AP2A2: variants seen among roughly 807,000 people sequenced by gnomAD.
AP2A2 encodes adaptor related protein complex 2 subunit alpha 2.
In AP2A2, 32 loss-of-function variants were observed where a neutral mutation model predicts 104.2. The ratio of observed to expected loss-of-function variants is 0.31; its 90% CI spans 0.23 to 0.41. AP2A2 has a LOEUF of 0.41. Among genes scored for constraint, AP2A2 ranks in the 10% least tolerant of loss-of-function variants. The pLI is 1.00. For missense variants in AP2A2, 912 were observed against 1,261.0 expected (o/e 0.72, Z 4.19); for synonymous variants, 539 against 533.3 (o/e 1.01, Z -0.15).
At chr11:929,970 C>T (rs1853236032) in intron 1 of AP2A2, among the ~76,000 whole-genome samples, 1 of 148,502 alleles carries the variant, frequency 6.7e-6, no homozygotes, top group Non-Finnish European at 1.5e-5. Flanking sequence ...AAAATACAAA[C>T]ATTAGCTGGG....
At chr11:948,993 A>C (rs1853945028) in intron 1 of AP2A2, among the ~76,000 whole-genome samples, 1 of 149,400 alleles carries the variant, frequency 6.7e-6, no homozygotes, top group Non-Finnish European at 1.5e-5. Context: ...CACTTAAAGA[A>C]TTAATACCAG....
rs1239437678 is a variant in AP2A2 at position 992,321 on chromosome 11, A to G, written c.1270-182A>G. 1.1e-5 allele frequency: 7 copies of G among 663,738 alleles called. No homozygotes were observed. The highest frequency in any genetic ancestry group is 1.6e-5 in the Non-Finnish European group (6 of 381,242). The allele number at this position is 663,738 out of a possible 1,614,324, so 41.1% of individuals were successfully genotyped here. On this transcript the variant is annotated intron_variant, in intron 10 of 21. Coordinates refer to ENST00000448903, the MANE Select transcript of AP2A2 (RefSeq NM_012305.4). The surrounding 1 kb of genome is among the most constrained non-coding windows in gnomAD (Gnocchi z 6.4). ...TGGCTTTCTTTGCTTAAGTCAGGGC[A>G]TCTTAAACTTTCTGGGCTCGTGGGC...
In AP2A2 at chr11:1,009,121, C is replaced by T. The variant is rs1030123256; in HGVS notation, c.2442C>T (p.Asn814=). 23 of 1,613,038 alleles carry T rather than the reference C, an allele frequency of 1.4e-5. No individual in the cohort carries two copies. The highest frequency in any genetic ancestry group is 6.7e-5 in the African/African-American group (5 of 74,936). The change falls in exon 19 of 22, where the codon AAC becomes AAT. Residue 814 remains asparagine, a synonymous_variant. Transcript: ENST00000448903. ...GCAGGTATGGGGGCACCTTCCAGAA[C>T]GTGTCTGTGCAGCTGCCCATCACTC... ...IQFRYGGTFQ[N]VSVQLPITLN... is the part of the protein sequence containing the mutation.
intron 2 of AP2A2, among the ~76,000 whole-genome samples, chr11:959,869 G>A (rs1854371705): frequency 6.6e-6 from 1 of 152,218 alleles, no homozygotes; most frequent in Admixed American, 6.5e-5. Flanking sequence ...ACAGGGACCT[G>A]ACCTGCGCTC....
intron 1 of AP2A2, among the ~76,000 whole-genome samples, chr11:957,742 A>G (rs10902248): frequency 0.51 from 77,055 of 152,154 alleles, 20,147 homozygotes; most frequent in Middle Eastern, 0.66. Context: ...GCCCTGCAGC[A>G]CAGACCTGCT....
intron 1 of AP2A2, among the ~76,000 whole-genome samples, chr11:932,462 G>A (rs1266359135): frequency 6.6e-6 from 1 of 152,242 alleles, no homozygotes; most frequent in African/African-American, 2.4e-5. Context: ...GTGAAGATCA[G>A]CATCAGAATT....
At chr11:940,043 C>G (rs904722996) in intron 1 of AP2A2, among the ~76,000 whole-genome samples, 1 of 145,102 alleles carries the variant, frequency 6.9e-6, no homozygotes, top group Non-Finnish European at 1.5e-5. Flanking sequence ...GTAACCTCTT[C>G]TGCCGGGTTC....
intron 18 of AP2A2, 131 bp from the exon 19 acceptor site, chr11:1,008,969 G>T (rs910354196): frequency 1.4e-6 from 1 of 696,104 alleles, no homozygotes; most frequent in Non-Finnish European, 2.4e-6. Flanking sequence ...GGGACTGAAG[G>T]CTCGGCCCCC....
In AP2A2 at chr11:988,557, G is replaced by A. The variant is rs758095675; in HGVS notation, c.1137G>A (p.Glu379=). The A allele has an allele frequency of 1.3e-5, 21 of 1,611,042 alleles. No homozygotes were observed. The South Asian group carries it at 2.1e-4, about 16-fold the overall frequency. Residue 379 remains glutamate (E), a synonymous_variant, in exon 10 of 22, where the codon GAG becomes GAA. Transcript: ENST00000448903. The part of the protein sequence containing the change: ...IETVINALKT[E]RDVSVRQRAV... ...CTCTGTGCCTTGTTCCCCAGACTGAGCGGGACGTGAGCGTGCGGCAGCGGG... is the reference window on the plus strand; with the variant it reads ...CTCTGTGCCTTGTTCCCCAGACTGAACGGGACGTGAGCGTGCGGCAGCGGG...
intron 17 of AP2A2, 54 bp from the exon 18 acceptor site, chr11:1,007,958 C>G (rs144515469): frequency 1.9e-6 from 3 of 1,550,480 alleles, no homozygotes; most frequent in African/African-American, 1.4e-5. Context: ...TAGCCCGGCC[C>G]GTTTCCGCTT....
intron 5 of AP2A2, among the ~76,000 whole-genome samples, chr11:978,848 TGGGTGAGGGTCAGAAG>T: frequency 6.6e-6 from 1 of 151,344 alleles, no homozygotes; most frequent in Non-Finnish European, 1.5e-5. Context: ...CGGGACCAGG[TGGGTGAGGGTCAGAAG>T]GTCGGCGGTC....
At chr11:952,379 C>A (rs1854081044) in intron 1 of AP2A2, among the ~76,000 whole-genome samples, 1 of 152,166 alleles carries the variant, frequency 6.6e-6, no homozygotes, top group African/African-American at 2.4e-5. Context: ...GCATGCTGTT[C>A]CTGAAGAATG....
intron 1 of AP2A2, chr11:942,344 G>C (rs10751669): frequency 0.48 from 72,889 of 152,094 alleles, 18,401 homozygotes; most frequent in Middle Eastern, 0.65. Flanking sequence ...CTTGTCTGAA[G>C]TAAGCAAGTA....
At chr11:964,037 G>A (rs770255049) in intron 2 of AP2A2, among the ~76,000 whole-genome samples, 80 of 152,348 alleles carry the variant, frequency 5.3e-4, no homozygotes, top group Non-Finnish European at 7.2e-4. Context: ...TGGTGCCAGG[G>A]CTGAGGAGCC....
At chr11:977,748 G>A (rs1855099767) in intron 5 of AP2A2, among the ~76,000 whole-genome samples, 1 of 151,846 alleles carries the variant, frequency 6.6e-6, no homozygotes, top group Non-Finnish European at 1.5e-5. Context: ...GCCGTCCACC[G>A]CATCCAGCAG....
intron 1 of AP2A2, among the ~76,000 whole-genome samples, chr11:936,412 T>G (rs115788775): frequency 0.028 from 4,302 of 151,704 alleles, 201 homozygotes; most frequent in African/African-American, 0.094. Context: ...AGTTATTTAT[T>G]GACAGGGTCT....
intron 1 of AP2A2, among the ~76,000 whole-genome samples, chr11:955,775 A>T (rs967066218): frequency 1.3e-5 from 2 of 152,232 alleles, no homozygotes; most frequent in African/African-American, 4.8e-5. Context: ...AGTAAAAGAC[A>T]AAAGATATTC....
intron 1 of AP2A2, among the ~76,000 whole-genome samples, chr11:927,613 T>C (rs1023147416): frequency 2.6e-5 from 4 of 151,746 alleles, no homozygotes; most frequent in African/African-American, 9.7e-5. Context: ...CCCAGAAGTT[T>C]GAGACCAGCC....
intron 1 of AP2A2, chr11:946,987 A>T (rs1853863043): frequency 6.7e-6 from 1 of 149,570 alleles, no homozygotes; most frequent in South Asian, 2.1e-4. Context: ...TGTAACTTTT[A>T]GTCTCCTGTC....
Sources: allele counts gnomAD v4.1 joint callset (sites outside exome capture counted in the v4.1 genomes callset), GRCh38; gene constraint gnomAD v4.1.1; non-coding constraint Gnocchi (gnomAD v3.1); transcripts MANE v1.5; gene names NCBI Gene and HGNC (gene_info 2026-07-23, HGNC 2026-07-21).